The following QRICH1 variants were observed in gnomAD, a reference collection of about 807,000 sequenced individuals.
QRICH1 encodes transcriptional regulator QRICH1.
Under a neutral mutation model 87.1 loss-of-function variants are expected in QRICH1, and 16 were observed. The observed-to-expected ratio is 0.18, with a 90% CI of 0.12 to 0.28. QRICH1 has a LOEUF of 0.28. Ranked by LOEUF, QRICH1 falls within the 10% of genes least tolerant of loss-of-function variation. The pLI is 1.00. For missense variants in QRICH1, 647 were observed against 951.7 expected, an observed-to-expected ratio of 0.68 and a Z score of 4.21; for synonymous variants, 367 against 368.4, an observed-to-expected ratio of 1.00 and a Z score of 0.05.
Position 49,032,952 on chromosome 3 carries a change from A to G in QRICH1, c.1895+168T>C, listed in dbSNP as rs541151518. ...TCAAGATGGATGGTAGGGGTCTGGCAAGGGTGTTTGCCTCACTGGTTACCA... is the reference window on the plus strand; with the variant it reads ...TCAAGATGGATGGTAGGGGTCTGGCGAGGGTGTTTGCCTCACTGGTTACCA... On this transcript the variant is annotated intron_variant, in intron 7 of 9. Transcript: ENST00000395443. 50 of 943,366 alleles carry G rather than the reference A, an allele frequency of 5.3e-5. 1 individual carries two copies. In the East Asian group the frequency reaches 1.1e-3, roughly 21 times the overall value. 58.4% of individuals were successfully genotyped at this position (943,366 alleles called of 1,614,324 possible). A position where few individuals can be genotyped will look rare whatever the true frequency, so the allele number is the denominator to read the frequency against.
At chr3:49,047,570 G>A (rs1223608300) in intron 3 of QRICH1, among the ~76,000 whole-genome samples, 1 of 140,208 alleles carries the variant, frequency 7.1e-6, no homozygotes, top group Non-Finnish European at 1.5e-5. Context: ...TGCACCCTCC[G>A]CCTCCCGGGT....
chr3:49,090,582 C>T (rs2042255245), intron 1 of QRICH1, among the ~76,000 whole-genome samples: 1 of 145,886 alleles, frequency 6.9e-6, no homozygotes, highest in Admixed American at 7.0e-5. Context: ...GAGCCGAAAT[C>T]GTGCTACTGC....
At chr3:49,053,502 A>AC (rs935868816) in intron 3 of QRICH1, among the ~76,000 whole-genome samples, 1 of 151,446 alleles carries the variant, frequency 6.6e-6, no homozygotes, top group African/African-American at 2.4e-5. Context: ...AAAAAAAAAA[A>AC]AAACAAGTCT....
intron 9 of QRICH1, among the ~76,000 whole-genome samples, chr3:49,031,470 G>A (rs908431834): frequency 6.6e-6 from 1 of 152,148 alleles, no homozygotes; most frequent in South Asian, 2.1e-4. Flanking sequence ...GTCAGCACTA[G>A]GTGCTGATAT....
upstream of QRICH1, chr3:49,094,297 C>G: frequency 2.8e-6 from 1 of 360,192 alleles, no homozygotes; most frequent in Non-Finnish European, 4.9e-6. Flanking sequence ...GTAGTGGAGT[C>G]TCGGAAGGCT....
chr3:49,079,904 C>T (rs1301572066), intron 1 of QRICH1, among the ~76,000 whole-genome samples: 1 of 152,070 alleles, frequency 6.6e-6, no homozygotes, highest in East Asian at 1.9e-4. Context: ...TGTCAGGCAC[C>T]TGTAATACCA....
intron 6 of QRICH1, among the ~76,000 whole-genome samples, chr3:49,041,713 C>T (rs2093311327): frequency 6.6e-6 from 1 of 152,056 alleles, no homozygotes. Flanking sequence ...TCACTGCAAC[C>T]TCTGCCTCCC....
At position 49,029,718 on chromosome 3, in the gene QRICH1, C is replaced by G. The variant is rs1054896715; in HGVS notation, c.*734G>C. The stretch of plus-strand genomic sequence containing the variant: ...GTTGTTCACTAACATGTTGAAAAGA[C>G]GTGCTTGTCATTCTTAATAAACAAC... On this transcript the variant is annotated 3_prime_UTR_variant, in exon 10 of 10. Coordinates refer to ENST00000395443, the MANE Select transcript of QRICH1 (RefSeq NM_198880.3). 2.8e-6 allele frequency: 1 copy of G among 354,474 alleles called. No individual in the cohort carries two copies. The highest frequency in any genetic ancestry group is 5.4e-6 in the Non-Finnish European group (1 of 186,338). The allele number at this position is 354,474 out of a possible 1,614,324, so 22.0% of individuals were successfully genotyped here.
chr3:49,034,136 T>C (rs897815457), intron 6 of QRICH1, among the ~76,000 whole-genome samples: 1 of 150,776 alleles, frequency 6.6e-6, no homozygotes, highest in Non-Finnish European at 1.5e-5. Context: ...TCTTCTACAA[T>C]ATTTATCTTT....
intron 2 of QRICH1, among the ~76,000 whole-genome samples, chr3:49,072,457 C>T (rs181918383): frequency 4.2e-4 from 62 of 148,888 alleles, no homozygotes; most frequent in Non-Finnish European, 6.7e-4. Context: ...GCCTGGGAGG[C>T]TGGGGTTGCA....
chr3:49,080,966 C>CAA (rs34230924), intron 1 of QRICH1, among the ~76,000 whole-genome samples: 2,296 of 24,768 alleles, frequency 0.093, 464 homozygotes, highest in Non-Finnish European at 0.1. Context: ...AACTCCATCT[C>CAA]AAAAAAAAAA....
chr3:49,043,206 A>G (rs943043726), intron 6 of QRICH1, among the ~76,000 whole-genome samples: 3 of 151,930 alleles, frequency 2.0e-5, no homozygotes, highest in African/African-American at 7.3e-5. Flanking sequence ...CTAAAACATA[A>G]AGTCTATTGG....
chr3:49,066,143 C>T (rs2093467150), intron 2 of QRICH1, among the ~76,000 whole-genome samples: 1 of 151,984 alleles, frequency 6.6e-6, no homozygotes, highest in Admixed American at 6.6e-5. Context: ...AAAAATTAGC[C>T]AGACGTGGTT....
At chr3:49,076,579 A>G (rs1193111246) in intron 2 of QRICH1, 130 bp downstream of exon 2, 2 of 965,804 alleles carry the variant, frequency 2.1e-6, no homozygotes, top group African/African-American at 3.4e-5. Flanking sequence ...CTTTTAGTCC[A>G]CATTAACTTT....
At chr3:49,069,101 A>ATT (rs1340493320) in intron 2 of QRICH1, among the ~76,000 whole-genome samples, 106 of 87,392 alleles carry the variant, frequency 1.2e-3, no homozygotes, top group Middle Eastern at 5.6e-3. Context: ...TATTATTATT[A>ATT]TTATTATTTT....
rs112821352 is a variant in QRICH1, at chr3:49,077,040, T to C, written c.-21-2A>G. 7.3e-7 allele frequency: 1 copy of C among 1,364,952 alleles called. No individual in the cohort carries two copies. Among genetic ancestry groups the C allele is most frequent in the Non-Finnish European group, 9.7e-7 (1 of 1,035,078 alleles). The allele number at this position is 1,364,952 out of a possible 1,614,324, so 84.6% of individuals were successfully genotyped here. ...CATATTGCAGAGTCCTTAGGGTTCC[T>C]AGAAATAAACAGAAGTCAAAATTAT... On this transcript the variant is annotated splice_acceptor_variant, in intron 1 of 9. Transcript: ENST00000395443. LOFTEE classifies it low-confidence loss of function (5UTR_SPLICE).
At chr3:49,061,134 TAAAAAAAAAAA>T (rs57557768) in intron 2 of QRICH1, among the ~76,000 whole-genome samples, 11 of 39,742 alleles carry the variant, frequency 2.8e-4, no homozygotes, top group South Asian at 4.6e-3. Context: ...GCCTCCATCT[TAAAAAAAAAAA>T]AAAAAAAAAA....
At chr3:49,069,594 C>T (rs914131313) in intron 2 of QRICH1, among the ~76,000 whole-genome samples, 2 of 144,968 alleles carry the variant, frequency 1.4e-5, no homozygotes, top group Admixed American at 7.1e-5. Flanking sequence ...GCGATCCTTC[C>T]ACCTCAGCCT....
chr3:49,074,761 G>A (rs1302368039), intron 2 of QRICH1, among the ~76,000 whole-genome samples: 1 of 150,234 alleles, frequency 6.7e-6, no homozygotes, highest in African/African-American at 2.5e-5. Flanking sequence ...GGTGGATCAC[G>A]AGGTCAGGAG....
Sources: allele counts gnomAD v4.1 joint callset (sites outside exome capture counted in the v4.1 genomes callset), GRCh38; gene constraint gnomAD v4.1.1; transcripts MANE v1.5; gene names NCBI Gene and HGNC (gene_info 2026-07-23, HGNC 2026-07-21).